Variants in RAB33B observed in about 807,000 individuals in gnomAD.
RAB33B encodes the protein ras-related protein Rab-33B.
A neutral mutation model predicts 15.0 loss-of-function variants in RAB33B; 6 were observed. That is an observed-to-expected ratio of 0.40 (90% CI 0.22 to 0.79). RAB33B has a LOEUF of 0.79. RAB33B is among the 30% of genes least tolerant of loss of function. RAB33B has a pLI of 0.37. For synonymous variants in RAB33B, 117 were observed against 108.3 expected, an observed-to-expected ratio of 1.08 and a Z score of -0.50; for missense variants, 257 against 296.4, an observed-to-expected ratio of 0.87 and a Z score of 0.98.
intron 1 of RAB33B, among the ~76,000 whole-genome samples, chr4:139,460,664 T>C (rs1482145207): frequency 7.2e-5 from 11 of 152,214 alleles, no homozygotes; most frequent in African/African-American, 2.2e-4. Context: ...TTGATTTGCA[T>C]TGAAATTCAG....
chr4:139,473,242 TTTGTCA>T lies in RAB33B; in HGVS notation c.*123_*128del, dbSNP rs1364080847. ...AATGGGTCATCTTGACACTTTGCTG[TTTGTCA>T]TTGTCACGCTTTTGTATTTTGTATC... is the stretch of plus-strand genomic sequence containing the variant. On this transcript the variant is annotated 3_prime_UTR_variant, in exon 2 of 2. Coordinates refer to ENST00000305626, the MANE Select transcript of RAB33B (RefSeq NM_031296.3). 1.1e-6 allele frequency: 1 copy of T among 921,186 alleles called. No homozygotes were observed. Among genetic ancestry groups the T allele is most frequent in the African/African-American group, 1.7e-5 (1 of 59,748 alleles). The allele number at this position is 921,186 out of a possible 1,614,324, so 57.1% of individuals were successfully genotyped here. A position where few individuals can be genotyped will look rare whatever the true frequency, so the allele number is the denominator to read the frequency against.
intron 1 of RAB33B, among the ~76,000 whole-genome samples, chr4:139,458,694 A>G (rs532615835): frequency 6.6e-6 from 1 of 152,292 alleles, no homozygotes; most frequent in East Asian, 1.9e-4. Flanking sequence ...TGTCTTTGCT[A>G]TTGTAAATAG....
upstream of RAB33B, chr4:139,452,910 T>A (rs1187072621): frequency 6.6e-6 from 1 of 152,214 alleles, no homozygotes; most frequent in East Asian, 1.9e-4. Flanking sequence ...AATGGCATAT[T>A]CATCTGCTCA....
In RAB33B at chr4:139,454,201, T is replaced by C. The variant is rs749986787; in HGVS notation, c.6T>C (p.Ala2=). M[A]EEMESSLEAS... ...GTTTGGGGCGGGTCGGGGGAATGGC[T>C]GAGGAGATGGAGTCGTCGCTCGAGG... Residue 2 remains alanine (A), a synonymous_variant, in exon 1 of 2, where the codon GCT becomes GCC. Transcript: ENST00000305626. The C allele has an allele frequency of 6.2e-7, 1 of 1,611,460 alleles. No homozygotes were observed. The highest frequency in any genetic ancestry group is 8.5e-7 in the Non-Finnish European group (1 of 1,178,444).
At chr4:139,469,794 T>G (rs1305878029) in intron 1 of RAB33B, among the ~76,000 whole-genome samples, 1 of 152,220 alleles carries the variant, frequency 6.6e-6, no homozygotes, top group Non-Finnish European at 1.5e-5. Context: ...GAGAATTCTC[T>G]GTACTACCAG....
intron 1 of RAB33B, among the ~76,000 whole-genome samples, chr4:139,465,967 C>G (rs933505946): frequency 7.3e-5 from 11 of 151,684 alleles, no homozygotes; most frequent in African/African-American, 2.7e-4. Flanking sequence ...CTGGTAGGAA[C>G]AAAGTAGAGA....
chr4:139,462,862 A>G (rs1395599664), intron 1 of RAB33B, among the ~76,000 whole-genome samples: 2 of 152,212 alleles, frequency 1.3e-5, no homozygotes, highest in Non-Finnish European at 2.9e-5. Flanking sequence ...TGATTATTTG[A>G]AAGGAATACT....
chr4:139,463,495 A>G (rs1465922025), intron 1 of RAB33B, among the ~76,000 whole-genome samples: 1 of 152,250 alleles, frequency 6.6e-6, no homozygotes, highest in Non-Finnish European at 1.5e-5. Flanking sequence ...CTGTGAGCAC[A>G]TATTAGCCAT....
intron 1 of RAB33B, among the ~76,000 whole-genome samples, chr4:139,463,821 T>C (rs1750218423): frequency 6.6e-6 from 1 of 152,216 alleles, no homozygotes; most frequent in African/African-American, 2.4e-5. Flanking sequence ...CCTTGCCTTC[T>C]CATCTCAGTG....
chr4:139,472,203 G>A (rs1196948792), intron 1 of RAB33B, among the ~76,000 whole-genome samples: 1 of 152,026 alleles, frequency 6.6e-6, no homozygotes, highest in African/African-American at 2.4e-5. Flanking sequence ...AAGTTTTCAA[G>A]GGGTCCTGGA....
chr4:139,467,686 A>G (rs988875108), intron 1 of RAB33B, among the ~76,000 whole-genome samples: 1 of 151,592 alleles, frequency 6.6e-6, no homozygotes, highest in Non-Finnish European at 1.5e-5. Flanking sequence ...GTGACAACCC[A>G]TCTCTACAAA....
rs1750449905 is a variant in RAB33B at position 139,473,935 on chromosome 4, T to C, written c.*809T>C. ...TTTTTTTTTTTTTTGAGATGGAGTC[T>C]CGCTCTGTCTCCAGGCTGGAGTGCA... is the stretch of plus-strand genomic sequence containing the variant. On this transcript the variant is annotated 3_prime_UTR_variant, in exon 2 of 2. Coordinates refer to ENST00000305626, the MANE Select transcript of RAB33B (RefSeq NM_031296.3). The C allele has an allele frequency of 7.0e-6, 1 of 142,660 alleles. No homozygotes were observed. The highest frequency in any genetic ancestry group is 2.3e-4 in the South Asian group (1 of 4,300). 8.8% of individuals were successfully genotyped at this position (142,660 alleles called of 1,614,324 possible).
chr4:139,453,966 C>A, upstream of RAB33B: 1 of 408,476 alleles, frequency 2.4e-6, no homozygotes, highest in Non-Finnish European at 4.2e-6. Flanking sequence ...TGACGCCTGG[C>A]GTGTGGCCGC....
In RAB33B at chr4:139,457,689, A is replaced by G. The variant is rs373508202; in HGVS notation, c.249+3245A>G. Among the ~76,000 whole-genome samples, 316 of 152,338 alleles carry G rather than the reference A, an allele frequency of 2.1e-3. 2 individuals are homozygous for G. The highest frequency in any genetic ancestry group is 7.5e-3 in the African/African-American group (311 of 41,578). Reference sequence around the variant, plus strand: ...TTATGATACGGCACAAGGGTCAGCAAACTATGCTTGAGGGCCAAAAATGGT... The same window carrying G: ...TTATGATACGGCACAAGGGTCAGCAGACTATGCTTGAGGGCCAAAAATGGT... On this transcript the variant is annotated intron_variant, in intron 1 of 1. Coordinates refer to ENST00000305626, the MANE Select transcript of RAB33B (RefSeq NM_031296.3).
upstream of RAB33B, chr4:139,449,340 T>TA (rs1749881103): frequency 6.6e-6 from 1 of 152,212 alleles, no homozygotes; most frequent in Non-Finnish European, 1.5e-5. Flanking sequence ...TCTCAGGAGA[T>TA]ATGTATGTGT....
At chr4:139,446,654 T>C in the RAB33B span, among the ~76,000 whole-genome samples, 1 of 152,234 alleles carries the variant, frequency 6.6e-6, no homozygotes, top group South Asian at 2.1e-4. Context: ...AGAAGGATTT[T>C]AATAATCAAG....
intron 1 of RAB33B, among the ~76,000 whole-genome samples, chr4:139,466,424 G>T (rs1443197290): frequency 6.6e-6 from 1 of 152,044 alleles, no homozygotes; most frequent in African/African-American, 2.4e-5. Context: ...CATTGATGAA[G>T]TGATGCTTGA....
chr4:139,473,206 A>G lies in RAB33B; in HGVS notation c.*80A>G, dbSNP rs1750424442. 12 of 1,236,762 alleles carry G rather than the reference A, an allele frequency of 9.7e-6. No individual in the cohort carries two copies. In the East Asian group the frequency reaches 3.0e-4, roughly 31 times the overall value. 76.6% of individuals were successfully genotyped at this position (1,236,762 alleles called of 1,614,324 possible). On this transcript the variant is annotated 3_prime_UTR_variant, in exon 2 of 2. Coordinates refer to ENST00000305626, the MANE Select transcript of RAB33B (RefSeq NM_031296.3). ...TGACAGTATTAAGTCATAAGATTTAATCTCAACTATAATGGGTCATCTTGA... is the reference window on the plus strand; with the variant it reads ...TGACAGTATTAAGTCATAAGATTTAGTCTCAACTATAATGGGTCATCTTGA...
upstream of RAB33B, chr4:139,449,770 T>C (rs1579168387): frequency 6.6e-6 from 1 of 151,914 alleles, no homozygotes; most frequent in African/African-American, 2.4e-5. Context: ...TATATATATA[T>C]ATATATCTCC....
Sources: allele counts gnomAD v4.1 joint callset (sites outside exome capture counted in the v4.1 genomes callset), GRCh38; gene constraint gnomAD v4.1.1; transcripts MANE v1.5; gene names NCBI Gene and HGNC (gene_info 2026-07-23, HGNC 2026-07-21).